NKX2-5: variants seen among roughly 807,000 people sequenced by gnomAD.
NKX2-5 encodes the protein homeobox protein Nkx-2.5.
In NKX2-5, 3 loss-of-function variants were observed where a neutral mutation model predicts 24.5. The ratio of observed to expected loss-of-function variants is 0.12; its 90% confidence interval spans 0.06 to 0.32. The LOEUF is 0.32. NKX2-5 is among the 10% of genes least tolerant of loss of function. The pLI, the probability that NKX2-5 is intolerant of heterozygous loss-of-function variation, is 1.00. For missense variants in NKX2-5, 429 were observed against 452.4 expected (o/e 0.95, Z 0.47); for synonymous variants, 215 against 217.6 (o/e 0.99, Z 0.11).
chr5:173,233,518 AATAAAT>A lies in NKX2-5; in HGVS notation c.335-315_335-310del, dbSNP rs762182076. The A allele has an allele frequency of 6.1e-4, 422 of 694,428 alleles. 15 individuals carry two copies. Among genetic ancestry groups the A allele is most frequent in the South Asian group, 1.2e-3 (58 of 47,468 alleles). The allele number at this position is 694,428 out of a possible 1,614,324, so 43.0% of individuals were successfully genotyped here. A position where few individuals can be genotyped will look rare whatever the true frequency, so the allele number is the denominator to read the frequency against. On this transcript the variant is annotated intron_variant, in intron 1 of 1. Transcript: ENST00000329198. ...AATTTCAGGCTGCAAAAAAAAAAAAAATAAATAAAAAAATAAAAAAATAAAAATAAA... is the reference window on the plus strand; with the variant it reads ...AATTTCAGGCTGCAAAAAAAAAAAAAAAAAAAATAAAAAAATAAAAATAAA...
chr5:173,234,971 T>A lies in NKX2-5; in HGVS notation c.113A>T (p.Glu38Val). Reference protein sequence around the residue: ...AAAGELSARLEATLAPSSCML... With the variant: ...AAAGELSARLVATLAPSSCML... ...GCAGGAGGAGGGCGCCAGGGTCGCC[T>A]CCAGGCGGGCAGAGAGCTCTCCGGC... is the stretch of plus-strand genomic sequence containing the variant. Residue 38 changes from glutamate (E) to valine (V), a missense_variant, in exon 1 of 2, where the codon GAG becomes GTG. Around this residue, in one of 3 missense-constraint regions of NKX2-5, gnomAD observed 240 missense variants for 240.4 expected, o/e 1.00. Coordinates refer to ENST00000329198, the MANE Select transcript of NKX2-5 (RefSeq NM_004387.4). The A allele has an allele frequency of 1.2e-6, 2 of 1,612,054 alleles. No individual in the cohort carries two copies. The highest frequency in any genetic ancestry group is 1.7e-6 in the Non-Finnish European group (2 of 1,179,536).
At position 173,234,731 on chromosome 5, in the gene NKX2-5, G is replaced by C; in HGVS notation, c.334+19C>G. 6.7e-7 allele frequency: 1 copy of C among 1,495,996 alleles called. No individual in the cohort carries two copies. The highest frequency in any genetic ancestry group is 8.9e-7 in the Non-Finnish European group (1 of 1,123,436). The allele number at this position is 1,495,996 out of a possible 1,614,324, so 92.7% of individuals were successfully genotyped here. A position where few individuals can be genotyped will look rare whatever the true frequency, so the allele number is the denominator to read the frequency against. The stretch of plus-strand genomic sequence containing the variant: ...AAGCGACCCAGGAGGGGAGAAGGGG[G>C]CCTGTGTTTCCTCCTCACCTTTCTT... On this transcript the variant is annotated intron_variant, in intron 1 of 1. Transcript: ENST00000329198.
Position 173,233,139 on chromosome 5 carries a change from C to T in NKX2-5, c.405G>A (p.Ala135=). 6.2e-7 allele frequency: 1 copy of T among 1,601,826 alleles called. No individual in the cohort carries two copies. The highest frequency in any genetic ancestry group is 8.5e-7 in the Non-Finnish European group (1 of 1,176,224). ...GCACGCGCGGCTTCCTCCGCCGTCG[C>T]GCCCGGGGCCGCTCCGCGTTGTCCG... ...TEADNAERPR[A]RRRRKPRVLF... The change falls in exon 2 of 2, where the codon GCG becomes GCA. Residue 135 remains alanine, a synonymous_variant. Transcript: ENST00000329198.
Position 173,232,603 on chromosome 5 carries a change from C to G in NKX2-5, c.941G>C (p.Gly314Ala), listed in dbSNP as rs200152391. 1.2e-6 allele frequency: 2 copies of G among 1,612,720 alleles called. No individual in the cohort carries two copies. The highest frequency in any genetic ancestry group is 1.3e-5 in the African/African-American group (1 of 75,072). ...QSPGIPQSNS[G>A]VSTLHGIRAW ...TCGGATACCATGCAGCGTGGACACT[C>G]CCGAGTTGCTCTGCGGAATCCCGGG... The change falls in exon 2 of 2, where the codon GGA (glycine) becomes GCA (alanine). Residue 314 changes from glycine to alanine, a missense_variant. Physicochemically the swap from Gly to Ala is moderately conservative, Grantham distance 60. Coordinates refer to ENST00000329198, the MANE Select transcript of NKX2-5 (RefSeq NM_004387.4). This position sits in a 1 kb window ranked among gnomAD's most constrained non-coding sequence, Gnocchi z 5.9.
In NKX2-5 at chr5:173,233,210, C is replaced by CT; in HGVS notation, c.335-2dup. On this transcript the variant is annotated splice_acceptor_variant, in intron 1 of 1. Transcript: ENST00000329198. LOFTEE classifies it high-confidence loss of function. ...ACCGCCTTCTGCAGCGCGCACAGCTCTGAGGGGGAACAGAGAGGCAGAGAG... is the reference window on the plus strand; with the variant it reads ...ACCGCCTTCTGCAGCGCGCACAGCTCTTGAGGGGGAACAGAGAGGCAGAGAG... 1 of 1,599,294 alleles carries CT rather than the reference C, an allele frequency of 6.3e-7. No homozygotes were observed. Among genetic ancestry groups the CT allele is most frequent in the Non-Finnish European group, 8.5e-7 (1 of 1,178,948 alleles).
At position 173,234,762 on chromosome 5, in the gene NKX2-5, C is replaced by T. The variant is rs749816778; in HGVS notation, c.322G>A (p.Ala108Thr). 3 of 1,544,000 alleles carry T rather than the reference C, an allele frequency of 1.9e-6. No homozygotes were observed. Among genetic ancestry groups the T allele is most frequent in the Non-Finnish European group, 2.6e-6 (3 of 1,148,538 alleles). ...GTTTCCTCCTCACCTTTCTTTTCGG[C>T]TCTAGGGTCCTTGGCTGGGTCGGGG... ...SDPDPAKDPR[A>T]EKKELCALQK... Residue 108 changes from alanine to threonine, a missense_variant, in exon 1 of 2, where the codon GCC (alanine) becomes ACC (threonine). Transcript: ENST00000329198.
In NKX2-5 at chr5:173,233,131, C is replaced by G; in HGVS notation, c.413G>C (p.Arg138Pro). The G allele has an allele frequency of 6.2e-7, 1 of 1,601,320 alleles. No homozygotes were observed. The highest frequency in any genetic ancestry group is 1.1e-5 in the South Asian group (1 of 89,608). The change falls in exon 2 of 2, where the codon CGG becomes CCG. Residue 138 changes from arginine to proline, a missense_variant. By Grantham distance (103) the Arg-to-Pro change is moderately radical. Around this residue, in one of 3 missense-constraint regions of NKX2-5, gnomAD observed 240 missense variants for 240.4 expected, o/e 1.00. Transcript: ENST00000329198. ...CGAGAAGAGCACGCGCGGCTTCCTCCGCCGTCGCGCCCGGGGCCGCTCCGC... is the reference window on the plus strand; with the variant it reads ...CGAGAAGAGCACGCGCGGCTTCCTCGGCCGTCGCGCCCGGGGCCGCTCCGC... ...DNAERPRARR[R>P]RKPRVLFSQA...
chr5:173,235,109 C>A lies in NKX2-5; in HGVS notation c.-26G>T. ...GGTGGCAGCGCCAGTCTCACAGCGC[C>A]AGGTGGGCGGCAGAAAGCGGCGCTG... On this transcript the variant is annotated 5_prime_UTR_variant, in exon 1 of 2. Transcript: ENST00000329198. 6.3e-7 allele frequency: 1 copy of A among 1,584,928 alleles called. No homozygotes were observed. Among genetic ancestry groups the A allele is most frequent in the South Asian group, 1.1e-5 (1 of 87,332 alleles).
chr5:173,235,142 C>A lies in NKX2-5; in HGVS notation c.-59G>T. The stretch of plus-strand genomic sequence containing the variant: ...CGGCAGAAAGCGGCGCTGCCCACGG[C>A]CCCTGGCAGCTTCCCTGCATGGTGC... On this transcript the variant is annotated 5_prime_UTR_variant, in exon 1 of 2. Coordinates refer to ENST00000329198, the MANE Select transcript of NKX2-5 (RefSeq NM_004387.4). 1.3e-5 allele frequency: 20 copies of A among 1,518,862 alleles called. No individual in the cohort carries two copies. The highest frequency in any genetic ancestry group is 1.6e-5 in the Non-Finnish European group (18 of 1,128,174). The allele number at this position is 1,518,862 out of a possible 1,614,324, so 94.1% of individuals were successfully genotyped here. A position where few individuals can be genotyped will look rare whatever the true frequency, so the allele number is the denominator to read the frequency against.
chr5:173,235,076 G>C lies in NKX2-5; in HGVS notation c.8C>G (p.Pro3Arg). The C allele has an allele frequency of 6.2e-7, 1 of 1,606,336 alleles. No homozygotes were observed. Among genetic ancestry groups the C allele is most frequent in the African/African-American group, 1.4e-5 (1 of 73,900 alleles). MF[P>R]SPALTPTPFS... ...GGGCGTGGGCGTGAGAGCAGGGCTGGGGAACATGGTGGCAGCGCCAGTCTC... is the reference window on the plus strand; with the variant it reads ...GGGCGTGGGCGTGAGAGCAGGGCTGCGGAACATGGTGGCAGCGCCAGTCTC... Residue 3 changes from proline (P) to arginine (R), a missense_variant, in exon 1 of 2, where the codon CCC becomes CGC. Pro to Arg is a moderately radical substitution (Grantham distance 103). Transcript: ENST00000329198.
At position 173,234,970 on chromosome 5, in the gene NKX2-5, C is replaced by T. The variant is rs151314714; in HGVS notation, c.114G>A (p.Glu38=). 1.3e-4 allele frequency: 215 copies of T among 1,612,134 alleles called. 2 individuals are homozygous for T. The African/African-American group carries it at 2.5e-3, about 19-fold the overall frequency. ...AAAGELSARL[E]ATLAPSSCML... ...TGCAGGAGGAGGGCGCCAGGGTCGC[C>T]TCCAGGCGGGCAGAGAGCTCTCCGG... The change falls in exon 1 of 2, where the codon GAG becomes GAA. Residue 38 remains glutamate (E), a synonymous_variant. Transcript: ENST00000329198.
At chr5:173,233,740 C>T in intron 1 of NKX2-5, 1 of 689,142 alleles carries the variant, frequency 1.5e-6, no homozygotes, top group Non-Finnish European at 1.8e-6. Context: ...TGCGCAGTGT[C>T]CAAGAAGCTG....
At position 173,232,774 on chromosome 5, in the gene NKX2-5, G is replaced by A. The variant is rs770484529; in HGVS notation, c.770C>T (p.Pro257Leu). 1 of 1,609,892 alleles carries A rather than the reference G, an allele frequency of 6.2e-7. No homozygotes were observed. The highest frequency in any genetic ancestry group is 2.2e-5 in the East Asian group (1 of 44,740). ...PYGYNAYPAY[P>L]GYGGAACSPG... ...GCTGCAGGCCGCGCCGCCGTAACCC[G>A]GATAGGCGGGGTAGGCGTTATAACC... is the stretch of plus-strand genomic sequence containing the variant. The change falls in exon 2 of 2, where the codon CCG (proline) becomes CTG (leucine). Residue 257 changes from proline to leucine, a missense_variant. This residue lies in a region of NKX2-5 where 183 missense variants were observed against 185.9 expected (regional missense o/e 0.98). Transcript: ENST00000329198. This position sits in a 1 kb window ranked among gnomAD's most constrained non-coding sequence, Gnocchi z 5.9.
At position 173,234,203 on chromosome 5, in the gene NKX2-5, C is replaced by G. The variant is rs954828988; in HGVS notation, c.334+547G>C. On this transcript the variant is annotated intron_variant, in intron 1 of 1. Transcript: ENST00000329198. ...GCAGTATCCCATTTTAAAATCAAGG[C>G]CCTCGATCCCAGACTCCACTTTCCT... is the stretch of plus-strand genomic sequence containing the variant. 22 of 1,260,830 alleles carry G rather than the reference C, an allele frequency of 1.7e-5. No homozygotes were observed. The East Asian group carries it at 4.5e-4, about 26-fold the overall frequency. The allele number at this position is 1,260,830 out of a possible 1,614,324, so 78.1% of individuals were successfully genotyped here.
chr5:173,234,745 C>T lies in NKX2-5; in HGVS notation c.334+5G>A. The T allele has an allele frequency of 6.6e-7, 1 of 1,515,720 alleles. No individual in the cohort carries two copies. Among genetic ancestry groups the T allele is most frequent in the Non-Finnish European group, 8.8e-7 (1 of 1,134,900 alleles). The allele number at this position is 1,515,720 out of a possible 1,614,324, so 93.9% of individuals were successfully genotyped here. A position where few individuals can be genotyped will look rare whatever the true frequency, so the allele number is the denominator to read the frequency against. On this transcript the variant is annotated splice_donor_5th_base_variant and intron_variant, in intron 1 of 1. Coordinates refer to ENST00000329198, the MANE Select transcript of NKX2-5 (RefSeq NM_004387.4). ...GGGAGAAGGGGGCCTGTGTTTCCTC[C>T]TCACCTTTCTTTTCGGCTCTAGGGT...
chr5:173,234,977 C>A lies in NKX2-5; in HGVS notation c.107G>T (p.Arg36Leu), dbSNP rs948440843. 1.2e-6 allele frequency: 2 copies of A among 1,612,086 alleles called. No individual in the cohort carries two copies. The highest frequency in any genetic ancestry group is 1.7e-6 in the Non-Finnish European group (2 of 1,179,576). Residue 36 changes from arginine (R) to leucine (L), a missense_variant, in exon 1 of 2, where the codon CGC becomes CTC. Around this residue, in one of 3 missense-constraint regions of NKX2-5, gnomAD observed 240 missense variants for 240.4 expected, o/e 1.00. Transcript: ENST00000329198. ...GGAGGGCGCCAGGGTCGCCTCCAGG[C>A]GGGCAGAGAGCTCTCCGGCGGCAGC... is the stretch of plus-strand genomic sequence containing the variant. ...SLAAAGELSA[R>L]LEATLAPSSC...
At position 173,235,061 on chromosome 5, in the gene NKX2-5, G is replaced by A. The variant is rs768954078; in HGVS notation, c.23C>T (p.Thr8Met). 3 of 1,611,014 alleles carry A rather than the reference G, an allele frequency of 1.9e-6. No individual in the cohort carries two copies. Among genetic ancestry groups the A allele is most frequent in the Non-Finnish European group, 2.5e-6 (3 of 1,179,276 alleles). The change falls in exon 1 of 2, where the codon ACG becomes ATG. Residue 8 changes from threonine (T) to methionine (M), a missense_variant. Physicochemically the swap from Thr to Met is moderately conservative, Grantham distance 81. Around this residue, in one of 3 missense-constraint regions of NKX2-5, gnomAD observed 240 missense variants for 240.4 expected, o/e 1.00. Coordinates refer to ENST00000329198, the MANE Select transcript of NKX2-5 (RefSeq NM_004387.4). MFPSPALTPTPFSVKDIL... is the reference protein window; with the variant it reads MFPSPALMPTPFSVKDIL... Reference sequence around the variant, plus strand: ...GTCTTTGACTGAGAAGGGCGTGGGCGTGAGAGCAGGGCTGGGGAACATGGT... The same window carrying A: ...GTCTTTGACTGAGAAGGGCGTGGGCATGAGAGCAGGGCTGGGGAACATGGT...
In NKX2-5 at chr5:173,232,528, G is replaced by A; in HGVS notation, c.*41C>T. The stretch of plus-strand genomic sequence containing the variant: ...TCCCCCCGAGAGTCAGGGAGCTGTT[G>A]AGGTGGGATCGGTCAGGGTCGCGCC... On this transcript the variant is annotated 3_prime_UTR_variant, in exon 2 of 2. Transcript: ENST00000329198. This position sits in a 1 kb window ranked among gnomAD's most constrained non-coding sequence, Gnocchi z 5.9. The A allele has an allele frequency of 6.3e-7, 1 of 1,599,450 alleles. No individual in the cohort carries two copies.
chr5:173,235,027 G>A lies in NKX2-5; in HGVS notation c.57C>T (p.Asn19=). ...PTPFSVKDIL[N]LEQQQRSLAA... ...CCAGGCTGCGCTGCTGCTGTTCCAG[G>A]TTTAGGATGTCTTTGACTGAGAAGG... is the stretch of plus-strand genomic sequence containing the variant. Residue 19 remains asparagine, a synonymous_variant, in exon 1 of 2, where the codon AAC becomes AAT. Coordinates refer to ENST00000329198, the MANE Select transcript of NKX2-5 (RefSeq NM_004387.4). 1.2e-6 allele frequency: 2 copies of A among 1,612,100 alleles called. No homozygotes were observed. Among genetic ancestry groups the A allele is most frequent in the African/African-American group, 1.3e-5 (1 of 74,858 alleles).
Sources: gnomAD v4.1 joint callset for allele counts on GRCh38, gnomAD v4.1.1 for gene constraint, gnomAD v4.1.1 regional missense constraint, Gnocchi (gnomAD v3.1) non-coding constraint, MANE v1.5 for transcripts, NCBI Gene and HGNC (gene_info 2026-07-23, HGNC 2026-07-21) for gene names.